Variants in SYNE1 observed in about 807,000 individuals in gnomAD.
The protein encoded by SYNE1 is spectrin repeat containing nuclear envelope protein 1, also known as nesprin-1.
A neutral mutation model predicts 1,111.0 loss-of-function variants in SYNE1; 616 were observed. The ratio of observed to expected loss-of-function variants is 0.55; its 90% CI spans 0.52 to 0.59. The LOEUF (loss-of-function observed/expected upper bound fraction) is 0.59. Ranked by LOEUF, SYNE1 falls within the 20% of genes least tolerant of loss-of-function variation. The pLI, the probability that SYNE1 is intolerant of heterozygous loss-of-function variation, is 0.00. For synonymous variants in SYNE1, 3,855 were observed against 3,825.8 expected, an observed-to-expected ratio of 1.01 and a Z score of -0.28; for missense variants, 10,006 against 10,417.0, an observed-to-expected ratio of 0.96 and a Z score of 1.72.
chr6:152,564,014 A>C (rs945820702), intron 3 of SYNE1, among the ~76,000 whole-genome samples: 4 of 152,100 alleles, frequency 2.6e-5, no homozygotes, highest in Non-Finnish European at 5.9e-5. Context: ...AGTTAAAGAA[A>C]GAGCCTTACA....
At position 152,201,893 on chromosome 6, in the gene SYNE1, G is replaced by T. The variant is rs193001075; in HGVS notation, c.23076C>A (p.Phe7692Leu). 2 of 1,613,882 alleles carry T rather than the reference G, an allele frequency of 1.2e-6. No individual in the cohort carries two copies. Among genetic ancestry groups the T allele is most frequent in the East Asian group, 4.5e-5 (2 of 44,882 alleles). ...IADSLEKLRTFKKKLSQSLPD... is the reference protein window; with the variant it reads ...IADSLEKLRTLKKKLSQSLPD... Reference sequence around the variant, plus strand: ...GGAGAGACTGCGAAAGCTTCTTTTTGAAAGTTCGTAGTTTCTCCAGGGAAT... The same window carrying T: ...GGAGAGACTGCGAAAGCTTCTTTTTTAAAGTTCGTAGTTTCTCCAGGGAAT... The change falls in exon 127 of 146, where the codon TTC becomes TTA. Residue 7692 changes from phenylalanine to leucine, a missense_variant. By Grantham distance (22) the Phe-to-Leu change is conservative. Around this residue, in one of 7 missense-constraint regions of SYNE1, gnomAD observed 2,182 missense variants for 2,287.8 expected, o/e 0.95. Coordinates refer to ENST00000367255, the MANE Select transcript of SYNE1 (RefSeq NM_182961.4).
rs371112679 is a variant in SYNE1 at position 152,140,032 on chromosome 6, G to A, written c.25376C>T (p.Thr8459Met). The change falls in exon 140 of 146, where the codon ACG becomes ATG. Residue 8459 changes from threonine (T) to methionine (M), a missense_variant. Thr to Met is a moderately conservative substitution (Grantham distance 81). This residue lies in a region of SYNE1 where 761 missense variants were observed against 795.5 expected (regional missense o/e 0.96). Transcript: ENST00000367255. ...CTGGAGCTGTTCCAACTCCTCCTCCGTGTCCCCCAGCCAGGCCCAGATGCT... is the reference window on the plus strand; with the variant it reads ...CTGGAGCTGTTCCAACTCCTCCTCCATGTCCCCCAGCCAGGCCCAGATGCT... The part of the protein sequence containing the change: ...LNSIWAWLGD[T>M]EEELEQLQRL... 33 of 1,614,000 alleles carry A rather than the reference G, an allele frequency of 2.0e-5. No homozygotes were observed. Among genetic ancestry groups the A allele is most frequent in the Non-Finnish European group, 2.5e-5 (29 of 1,180,004 alleles).
intron 63 of SYNE1, among the ~76,000 whole-genome samples, chr6:152,364,126 A>C (rs1158447189): frequency 6.6e-6 from 1 of 152,140 alleles, no homozygotes; most frequent in Non-Finnish European, 1.5e-5. Flanking sequence ...TGATTTTATA[A>C]GGGGCTTTTC....
intron 4 of SYNE1, among the ~76,000 whole-genome samples, chr6:152,535,223 T>G (rs952054697): frequency 1.3e-5 from 2 of 152,214 alleles, no homozygotes; most frequent in Non-Finnish European, 2.9e-5. Flanking sequence ...AGCCTGGCCT[T>G]CGAGTCTCCA....
Position 152,536,376 on chromosome 6 carries a change from T to TATATATATATATAA in SYNE1, c.129+3583_129+3584insTTATATATATATAT, listed in dbSNP as rs1564708961. ...ATATAGTATACTAATATATATATAG[T>TATATATATATATAA]AATATATATATATTTATATATATAC... On this transcript the variant is annotated intron_variant, in intron 4 of 145. Transcript: ENST00000367255. Among the ~76,000 whole-genome samples, 3 of 87,244 alleles carry TATATATATATATAA rather than the reference T, an allele frequency of 3.4e-5. No homozygotes were observed. In the East Asian group the frequency reaches 1.4e-3, roughly 41 times the overall value. 57.2% of individuals were successfully genotyped at this position (87,244 alleles called of 152,430 possible). A position where few individuals can be genotyped will look rare whatever the true frequency, so the allele number is the denominator to read the frequency against.
intron 3 of SYNE1, among the ~76,000 whole-genome samples, chr6:152,567,689 C>G (rs956463662): frequency 6.6e-6 from 1 of 151,816 alleles, no homozygotes; most frequent in Admixed American, 6.6e-5. Context: ...TGTGCAAAAT[C>G]CAAGAAAAAA....
At chr6:152,633,948 G>A (rs2099701987) in intron 2 of SYNE1, among the ~76,000 whole-genome samples, 1 of 151,566 alleles carries the variant, frequency 6.6e-6, no homozygotes, top group Non-Finnish European at 1.5e-5. Flanking sequence ...TGGACTACCT[G>A]CTATTTGGGA....
chr6:152,359,575 G>T (rs78531855), intron 64 of SYNE1, 117 bp from the exon 65 acceptor site: 1 of 1,255,656 alleles, frequency 8.0e-7, no homozygotes, highest in Non-Finnish European at 1.1e-6. Flanking sequence ...TTATTTATTC[G>T]TCCACTCCTC....
In SYNE1 at chr6:152,308,888, C is replaced by A. The variant is rs866925316; in HGVS notation, c.17203-256G>T. Among the ~76,000 whole-genome samples the A allele has an allele frequency of 4.6e-5, 7 of 152,262 alleles. No individual in the cohort carries two copies. In the South Asian group the frequency reaches 1.2e-3, roughly 27 times the overall value. Reference sequence around the variant, plus strand: ...GGATTCTTTCTCTCTCTTTTCCCTACTGATATCGTCCTGAAGATGGAACAT... The same window carrying A: ...GGATTCTTTCTCTCTCTTTTCCCTAATGATATCGTCCTGAAGATGGAACAT... On this transcript the variant is annotated intron_variant, in intron 90 of 145. Transcript: ENST00000367255.
intron 3 of SYNE1, among the ~76,000 whole-genome samples, chr6:152,591,533 G>A (rs2099565941): frequency 6.6e-6 from 1 of 152,142 alleles, no homozygotes; most frequent in Admixed American, 6.6e-5. Flanking sequence ...AGATTTAAAT[G>A]TAAGACCTCA....
At chr6:152,508,547 T>A (rs929190615) in intron 8 of SYNE1, among the ~76,000 whole-genome samples, 1 of 152,230 alleles carries the variant, frequency 6.6e-6, no homozygotes, top group African/African-American at 2.4e-5. Context: ...AATCAATTTG[T>A]TTTTGGTTAA....
Position 152,154,887 on chromosome 6 carries a change from A to G in SYNE1, c.24129+5T>C, listed in dbSNP as rs747171545. ...AAGGATTAAAAATTTGGAATTATAG[A>G]TTACCTCAAATTTCTTTAGTTCTTC... On this transcript the variant is annotated splice_donor_5th_base_variant and intron_variant, in intron 133 of 145. Transcript: ENST00000367255. 7 of 1,614,056 alleles carry G rather than the reference A, an allele frequency of 4.3e-6. No individual in the cohort carries two copies. Among genetic ancestry groups the G allele is most frequent in the Non-Finnish European group, 5.1e-6 (6 of 1,179,984 alleles).
chr6:152,323,863 T>C, intron 81 of SYNE1, 126 bp from the exon 82 acceptor site: 8 of 1,148,650 alleles, frequency 7.0e-6, no homozygotes, highest in Non-Finnish European at 1.0e-5. Context: ...ATTCCACATG[T>C]TAGGAAACTG....
At chr6:152,611,529 C>CT (rs1367565277) in intron 3 of SYNE1, among the ~76,000 whole-genome samples, 1 of 152,126 alleles carries the variant, frequency 6.6e-6, no homozygotes, top group Non-Finnish European at 1.5e-5. Flanking sequence ...GAGACTTAGA[C>CT]TCCCACAGAA....
rs1327531656 is a variant in SYNE1 at position 152,219,047 on chromosome 6, A to T, written c.22000T>A (p.Cys7334Ser). ...SDQLSLSQHL[C>S]ALEQALCKQQ... Reference sequence around the variant, plus strand: ...TTGCAGAGAGCTTGCTCCAGGGCACACAAGTGTTGACTCAAAGAGAGTTGA... The same window carrying T: ...TTGCAGAGAGCTTGCTCCAGGGCACTCAAGTGTTGACTCAAAGAGAGTTGA... The change falls in exon 120 of 146, where the codon TGT (cysteine) becomes AGT (serine). Residue 7334 changes from cysteine (C) to serine (S), a missense_variant. Coordinates refer to ENST00000367255, the MANE Select transcript of SYNE1 (RefSeq NM_182961.4). 6.2e-7 allele frequency: 1 copy of T among 1,614,190 alleles called. No homozygotes were observed. Among genetic ancestry groups the T allele is most frequent in the Non-Finnish European group, 8.5e-7 (1 of 1,180,028 alleles).
At chr6:152,338,438 A>G (rs964524176) in intron 75 of SYNE1, among the ~76,000 whole-genome samples, 1 of 152,112 alleles carries the variant, frequency 6.6e-6, no homozygotes, top group Non-Finnish European at 1.5e-5. Flanking sequence ...CCTGGGAAAC[A>G]CAGCGAAGCC....
chr6:152,451,146 A>G lies in SYNE1; in HGVS notation c.3087T>C (p.Asn1029=), dbSNP rs770801617. 9.3e-6 allele frequency: 15 copies of G among 1,613,998 alleles called. No homozygotes were observed. The highest frequency in any genetic ancestry group is 1.2e-5 in the Non-Finnish European group (14 of 1,180,024). The change falls in exon 26 of 146, where the codon AAT becomes AAC. Residue 1029 remains asparagine (N), a synonymous_variant. Coordinates refer to ENST00000367255, the MANE Select transcript of SYNE1 (RefSeq NM_182961.4). ...ATTCTTCTACAGAGGCTAAGAACCTATTCTTCTCCACATCAATCTTCAGAT... is the reference window on the plus strand; with the variant it reads ...ATTCTTCTACAGAGGCTAAGAACCTGTTCTTCTCCACATCAATCTTCAGAT... The part of the protein sequence containing the change: ...LLHLKIDVEK[N]RFLASVEECR...
chr6:152,471,495 A>G (rs2098805333), intron 16 of SYNE1, 102 bp downstream of exon 16: 4 of 1,158,884 alleles, frequency 3.5e-6, no homozygotes, highest in Non-Finnish European at 5.2e-6. Context: ...CGCTATCTTT[A>G]TGTTTAAATT....
intron 48 of SYNE1, among the ~76,000 whole-genome samples, chr6:152,399,394 T>A (rs1209873484): frequency 6.6e-6 from 1 of 152,200 alleles, no homozygotes; most frequent in African/African-American, 2.4e-5. Flanking sequence ...GATGGTGAAC[T>A]CTTGCTTTCT....
Sources: gnomAD v4.1 joint callset for allele counts (sites outside exome capture counted in the v4.1 genomes callset) on GRCh38, gnomAD v4.1.1 for gene constraint, gnomAD v4.1.1 regional missense constraint, MANE v1.5 for transcripts, NCBI Gene and HGNC (gene_info 2026-07-23, HGNC 2026-07-21) for gene names.